The following NEK6 variants were observed in gnomAD, a reference collection of about 807,000 sequenced individuals.
NEK6 encodes the protein serine/threonine-protein kinase Nek6.
NEK6 carries 27 observed loss-of-function variants against 43.5 expected under a neutral mutation model. That is an observed-to-expected ratio of 0.62 (90% CI 0.46 to 0.86). The LOEUF (loss-of-function observed/expected upper bound fraction) is 0.86, where lower values mean the gene tolerates loss of function less well. NEK6 is among the 40% of genes least tolerant of loss of function. The pLI is 0.00. For missense variants in NEK6, 318 were observed against 414.4 expected, an observed-to-expected ratio of 0.77 and a Z score of 2.02; for synonymous variants, 167 against 164.1, an observed-to-expected ratio of 1.02 and a Z score of -0.14.
chr9:124,280,235 G>A (rs567617188), intron 1 of NEK6, among the ~76,000 whole-genome samples: 9 of 152,368 alleles, frequency 5.9e-5, no homozygotes, highest in Non-Finnish European at 1.2e-4. Flanking sequence ...GTGACTGCTC[G>A]AGGAATCTGG....
chr9:124,264,510 G>T (rs899410917), intron 1 of NEK6, among the ~76,000 whole-genome samples: 1 of 152,176 alleles, frequency 6.6e-6, no homozygotes, highest in Admixed American at 6.5e-5. Context: ...AAAAAAGGTA[G>T]TGTAAAAATC....
chr9:124,271,370 C>A (rs747040102), intron 1 of NEK6, among the ~76,000 whole-genome samples: 19 of 152,198 alleles, frequency 1.2e-4, no homozygotes, highest in Non-Finnish European at 1.6e-4. Context: ...TGTTCCCAGC[C>A]CCAAAATGGG....
At chr9:124,262,989 C>T (rs1261072129) in intron 1 of NEK6, 2 of 152,182 alleles carry the variant, frequency 1.3e-5, no homozygotes, top group African/African-American at 4.8e-5. Context: ...AAGAACTTCT[C>T]CATGTTCCAG....
At chr9:124,283,070 C>T (rs968455501) in intron 1 of NEK6, among the ~76,000 whole-genome samples, 6 of 152,216 alleles carry the variant, frequency 3.9e-5, no homozygotes, top group African/African-American at 1.4e-4. Context: ...CAGACGTTTC[C>T]GCCCTGACAA....
intron 4 of NEK6, among the ~76,000 whole-genome samples, chr9:124,319,382 GT>G (rs886899752): frequency 3.3e-5 from 5 of 151,958 alleles, no homozygotes; most frequent in African/African-American, 7.3e-5. Flanking sequence ...GTTTATGAAT[GT>G]TTTCTCCCAT....
intron 1 of NEK6, among the ~76,000 whole-genome samples, chr9:124,269,192 C>T (rs1024626814): frequency 2.6e-5 from 4 of 152,146 alleles, no homozygotes; most frequent in African/African-American, 9.7e-5. Flanking sequence ...GAAACTGAAG[C>T]CCAGGGCAAG....
rs1432452778 is a variant in NEK6 at position 124,326,824 on chromosome 9, G to T, written c.514+386G>T. On this transcript the variant is annotated intron_variant, in intron 6 of 9. Transcript: ENST00000320246. The surrounding 1 kb of genome is among the most constrained non-coding windows in gnomAD (Gnocchi z 4.5). ...CACAGTTGACATGATTCCGAGTTGTGAGAAAGGAGCCTGCTGGGTGCCCGG... is the reference window on the plus strand; with the variant it reads ...CACAGTTGACATGATTCCGAGTTGTTAGAAAGGAGCCTGCTGGGTGCCCGG... Among the ~76,000 whole-genome samples, 2 of 152,180 alleles carry T rather than the reference G, an allele frequency of 1.3e-5. No homozygotes were observed. The highest frequency in any genetic ancestry group is 2.9e-5 in the Non-Finnish European group (2 of 68,024).
chr9:124,322,378 G>C (rs753388783), intron 5 of NEK6, among the ~76,000 whole-genome samples: 1 of 152,200 alleles, frequency 6.6e-6, no homozygotes, highest in Non-Finnish European at 1.5e-5. Flanking sequence ...AGTTCACCAT[G>C]AGTCTGGTGT....
intron 1 of NEK6, among the ~76,000 whole-genome samples, chr9:124,280,495 G>C (rs1195555223): frequency 2.0e-5 from 3 of 152,234 alleles, no homozygotes; most frequent in Non-Finnish European, 4.4e-5. Context: ...GGAGTTGCTG[G>C]AGAAGAAACA....
At chr9:124,350,000 A>G (rs555627879) in intron 9 of NEK6, among the ~76,000 whole-genome samples, 1 of 152,344 alleles carries the variant, frequency 6.6e-6, no homozygotes, top group South Asian at 2.1e-4. Flanking sequence ...CCTGCGCAGC[A>G]GTAGCCCCCG....
chr9:124,327,486 C>T (rs1195875813), intron 7 of NEK6, 41 bp downstream of exon 7: 1 of 1,494,836 alleles, frequency 6.7e-7, no homozygotes, highest in African/African-American at 1.4e-5. Context: ...CCCCAGCGGT[C>T]CTGGTGACCA....
At position 124,326,911 on chromosome 9, in the gene NEK6, G is replaced by A. The variant is rs541138656; in HGVS notation, c.515-427G>A. On this transcript the variant is annotated intron_variant, in intron 6 of 9. Transcript: ENST00000320246. This position sits in a 1 kb window ranked among gnomAD's most constrained non-coding sequence, Gnocchi z 4.5. The stretch of plus-strand genomic sequence containing the variant: ...ACACCTCCGTTCCTTCACTCTACCT[G>A]TATCTCTTGGTGTCTGCTGTATTGG... Among the ~76,000 whole-genome samples the A allele has an allele frequency of 2.6e-5, 4 of 152,272 alleles. No individual in the cohort carries two copies. The highest frequency in any genetic ancestry group is 9.6e-5 in the African/African-American group (4 of 41,576).
At chr9:124,341,621 G>A (rs952659771) in intron 8 of NEK6, among the ~76,000 whole-genome samples, 3 of 152,178 alleles carry the variant, frequency 2.0e-5, no homozygotes, top group African/African-American at 7.2e-5. Flanking sequence ...TGTAGTGGAT[G>A]GGGAAGGGGC....
intron 1 of NEK6, among the ~76,000 whole-genome samples, chr9:124,289,417 C>T (rs1832312148): frequency 1.3e-5 from 2 of 152,206 alleles, no homozygotes; most frequent in South Asian, 4.1e-4. Flanking sequence ...GTTTTGTGAG[C>T]ACACAGGCTG....
intron 2 of NEK6, among the ~76,000 whole-genome samples, chr9:124,307,530 T>C (rs1373700179): frequency 6.6e-6 from 1 of 152,164 alleles, no homozygotes; most frequent in Non-Finnish European, 1.5e-5. Flanking sequence ...GCCTTCTCCC[T>C]CGTGCCCACG....
At chr9:124,298,130 A>G (rs1832784496) in intron 1 of NEK6, among the ~76,000 whole-genome samples, 3 of 152,204 alleles carry the variant, frequency 2.0e-5, no homozygotes, top group African/African-American at 7.2e-5. Flanking sequence ...CCCCATCTAT[A>G]AAATGGGTCT....
chr9:124,331,725 C>G (rs980693152), intron 7 of NEK6, among the ~76,000 whole-genome samples: 1 of 152,214 alleles, frequency 6.6e-6, no homozygotes, highest in African/African-American at 2.4e-5. Flanking sequence ...TGTGCTGCGT[C>G]TGTGCCCAGG....
chr9:124,317,275 C>G (rs530939758), intron 4 of NEK6, among the ~76,000 whole-genome samples: 1 of 152,280 alleles, frequency 6.6e-6, no homozygotes, highest in Non-Finnish European at 1.5e-5. Context: ...TTTTTGATAA[C>G]AGGGTCTCGC....
chr9:124,287,864 A>T (rs1588462050), intron 1 of NEK6, among the ~76,000 whole-genome samples: 1 of 152,138 alleles, frequency 6.6e-6, no homozygotes, highest in Non-Finnish European at 1.5e-5. Context: ...GTGTCATTTC[A>T]CCCTCTGGAA....
Sources: allele counts gnomAD v4.1 joint callset (sites outside exome capture counted in the v4.1 genomes callset), GRCh38; gene constraint gnomAD v4.1.1; non-coding constraint Gnocchi (gnomAD v3.1); transcripts MANE v1.5; gene names NCBI Gene and HGNC (gene_info 2026-07-23, HGNC 2026-07-21).